Variants in ARL15 observed in about 807,000 individuals in gnomAD.
ARL15 encodes the protein ARF like GTPase 15.
Under a neutral mutation model 25.2 loss-of-function variants are expected in ARL15, and 19 were observed. That is an observed-to-expected ratio of 0.75 (90% CI 0.53 to 1.10). The LOEUF is 1.10. Among genes scored for constraint, ARL15 ranks in the 50% least tolerant of loss-of-function variants. The probability of loss-of-function intolerance (pLI) is 0.00; values close to 1 mark genes in which losing one functional copy is unlikely to be tolerated. For synonymous variants in ARL15, 94 were observed against 86.8 expected, an observed-to-expected ratio of 1.08 and a Z score of -0.46; for missense variants, 220 against 246.0, an observed-to-expected ratio of 0.89 and a Z score of 0.71.
intron 4 of ARL15, among the ~76,000 whole-genome samples, chr5:54,099,229 C>T (rs1030505770): frequency 1.3e-5 from 2 of 151,962 alleles, no homozygotes; most frequent in East Asian, 1.9e-4. Context: ...ATAACAGTAC[C>T]GCAAACTTGA....
chr5:54,086,795 G>A (rs895579970), intron 4 of ARL15, among the ~76,000 whole-genome samples: 6 of 152,104 alleles, frequency 3.9e-5, no homozygotes, highest in Non-Finnish European at 7.4e-5. Context: ...CATTTTTCTA[G>A]GCTCTGGGTT....
intron 1 of ARL15, among the ~76,000 whole-genome samples, chr5:54,178,225 C>A (rs1754941366): frequency 6.6e-6 from 1 of 152,196 alleles, no homozygotes; most frequent in African/African-American, 2.4e-5. Flanking sequence ...AAATTCCCAG[C>A]CCTTTGGGAC....
At chr5:54,056,626 T>TAAA (rs34643850) in intron 4 of ARL15, among the ~76,000 whole-genome samples, 1 of 112,652 alleles carries the variant, frequency 8.9e-6, no homozygotes, top group Admixed American at 9.6e-5. Context: ...TAAAACTGTC[T>TAAA]AAAAAAAAAA....
At chr5:54,071,156 T>G (rs573112867) in intron 4 of ARL15, among the ~76,000 whole-genome samples, 1 of 145,776 alleles carries the variant, frequency 6.9e-6, no homozygotes, top group South Asian at 2.2e-4. Flanking sequence ...GATGACAACG[T>G]GAGACCCTGT....
intron 4 of ARL15, among the ~76,000 whole-genome samples, chr5:54,074,318 C>A (rs1751519762): frequency 6.6e-6 from 1 of 152,166 alleles, no homozygotes; most frequent in African/African-American, 2.4e-5. Flanking sequence ...TGCCTAAAAC[C>A]TACAATACAT....
At chr5:54,046,467 C>A (rs969038127) in intron 4 of ARL15, among the ~76,000 whole-genome samples, 1 of 151,706 alleles carries the variant, frequency 6.6e-6, no homozygotes. Flanking sequence ...GGCACGAGAG[C>A]GAGACTCTGT....
At chr5:54,167,505 T>C (rs1561250510) in intron 2 of ARL15, among the ~76,000 whole-genome samples, 1 of 152,184 alleles carries the variant, frequency 6.6e-6, no homozygotes, top group African/African-American at 2.4e-5. Context: ...AATTGTTGCT[T>C]TGTATATTTC....
In ARL15 at chr5:53,991,438, A is replaced by C. The variant is rs80084922; in HGVS notation, c.463-104725T>G. Among the ~76,000 whole-genome samples, 1,017 of 141,236 alleles carry C rather than the reference A, an allele frequency of 7.2e-3. 16 individuals are homozygous for C. Among genetic ancestry groups the C allele is most frequent in the African/African-American group, 0.025 (956 of 38,592 alleles). 92.7% of individuals were successfully genotyped at this position (141,236 alleles called of 152,430 possible). On this transcript the variant is annotated intron_variant, in intron 4 of 4. Coordinates refer to ENST00000504924, the MANE Select transcript of ARL15 (RefSeq NM_019087.3). The stretch of plus-strand genomic sequence containing the variant: ...GCGCCTGTAATCCCAGCTACTCAGG[A>C]GGCTAAGATAGGAGAATCGCTTGAA...
chr5:54,132,374 G>T (rs1413217434), intron 3 of ARL15, among the ~76,000 whole-genome samples: 2 of 151,814 alleles, frequency 1.3e-5, no homozygotes, highest in African/African-American at 4.8e-5. Flanking sequence ...GACACTACCA[G>T]TCAAAATCTC....
intron 2 of ARL15, among the ~76,000 whole-genome samples, chr5:54,169,898 A>G (rs935418767): frequency 6.6e-6 from 1 of 152,082 alleles, no homozygotes; most frequent in Non-Finnish European, 1.5e-5. Context: ...ACTCATTACA[A>G]TCCCCTTATC....
At chr5:54,069,494 C>T (rs1751349255) in intron 4 of ARL15, among the ~76,000 whole-genome samples, 1 of 130,756 alleles carries the variant, frequency 7.6e-6, no homozygotes, top group South Asian at 2.6e-4. Flanking sequence ...TCACTTGAAC[C>T]TGGGAGGTGG....
chr5:54,231,657 T>C (rs1756674919), intron 1 of ARL15, among the ~76,000 whole-genome samples: 1 of 152,144 alleles, frequency 6.6e-6, no homozygotes, highest in African/African-American at 2.4e-5. Context: ...GTTCTGCAGG[T>C]CGGAAAGTCC....
intron 1 of ARL15, among the ~76,000 whole-genome samples, chr5:54,190,046 A>C (rs1250321481): frequency 6.6e-6 from 1 of 152,208 alleles, no homozygotes; most frequent in Non-Finnish European, 1.5e-5. Context: ...AGGCTAATTA[A>C]GTACATGAAA....
At chr5:54,309,614 AG>A (rs1359630815) in intron 1 of ARL15, among the ~76,000 whole-genome samples, 2 of 152,248 alleles carry the variant, frequency 1.3e-5, no homozygotes, top group Admixed American at 1.3e-4. Context: ...TCTGTAAATG[AG>A]GATCCCCTTA....
intron 4 of ARL15, among the ~76,000 whole-genome samples, chr5:54,078,834 T>G (rs1344694150): frequency 6.6e-6 from 1 of 152,162 alleles, no homozygotes; most frequent in Non-Finnish European, 1.5e-5. Context: ...AAAATCAGCT[T>G]AAAATAATCA....
intron 1 of ARL15, among the ~76,000 whole-genome samples, chr5:54,199,424 C>A (rs1755649057): frequency 6.6e-6 from 1 of 151,736 alleles, no homozygotes; most frequent in Non-Finnish European, 1.5e-5. Flanking sequence ...TATCCAGAAT[C>A]TACAATGAAC....
chr5:54,252,501 T>C (rs1465227739), intron 1 of ARL15, among the ~76,000 whole-genome samples: 1 of 152,166 alleles, frequency 6.6e-6, no homozygotes, highest in South Asian at 2.1e-4. Context: ...AAAGATACCA[T>C]GCATTTAACA....
chr5:53,887,435 T>C, intron 4 of ARL15: 1 of 697,506 alleles, frequency 1.4e-6, no homozygotes, highest in South Asian at 1.5e-5. Flanking sequence ...AAAAACCTGT[T>C]CAATTAATAA....
At chr5:54,027,939 C>T (rs924773325) in intron 4 of ARL15, among the ~76,000 whole-genome samples, 6 of 150,950 alleles carry the variant, frequency 4.0e-5, no homozygotes, top group Middle Eastern at 3.4e-3. Context: ...TTTTTTGAGA[C>T]GGAGTCTTGT....
Sources: allele counts gnomAD v4.1 joint callset (sites outside exome capture counted in the v4.1 genomes callset), GRCh38; gene constraint gnomAD v4.1.1; transcripts MANE v1.5; gene names NCBI Gene and HGNC (gene_info 2026-07-23, HGNC 2026-07-21).